The following RAB38 variants were observed in gnomAD, a reference collection of about 807,000 sequenced individuals.
RAB38 encodes the protein ras-related protein Rab-38.
A neutral mutation model predicts 18.4 loss-of-function variants in RAB38; 15 were observed. The ratio of observed to expected loss-of-function variants is 0.82; its 90% CI spans 0.55 to 1.26. The LOEUF is 1.26. Among genes scored for constraint, RAB38 ranks in the 50% most tolerant of loss-of-function variants. The probability of loss-of-function intolerance (pLI) is 0.00; values close to 1 mark genes in which losing one functional copy is unlikely to be tolerated. For synonymous variants in RAB38, 101 were observed against 104.4 expected (o/e 0.97, Z 0.20); for missense variants, 294 against 267.4 (o/e 1.10, Z -0.69).
At chr11:88,083,784 A>C in the RAB38 span, among the ~76,000 whole-genome samples, 1 of 151,986 alleles carries the variant, frequency 6.6e-6, no homozygotes, top group East Asian at 1.9e-4. Flanking sequence ...GCAAAGAGGC[A>C]CTATCTTGGA....
chr11:87,961,675 A>ACCT, the RAB38 span, among the ~76,000 whole-genome samples: 7 of 152,316 alleles, frequency 4.6e-5, no homozygotes, highest in African/African-American at 1.7e-4. Context: ...CCCAGGAACT[A>ACCT]AAGTCCTAGA....
At chr11:88,069,205 C>T in the RAB38 span, among the ~76,000 whole-genome samples, 23 of 152,312 alleles carry the variant, frequency 1.5e-4, no homozygotes, top group African/African-American at 5.3e-4. Context: ...CCAGGAGGTG[C>T]GGAGGGGGTG....
At chr11:88,099,924 A>G in the RAB38 span, 3 of 151,990 alleles carry the variant, frequency 2.0e-5, no homozygotes, top group Admixed American at 6.6e-5. Context: ...CAAATAGGTT[A>G]TCTCATTTAA....
At chr11:88,131,953 C>A (rs1246874784) in intron 2 of RAB38, among the ~76,000 whole-genome samples, 3 of 151,380 alleles carry the variant, frequency 2.0e-5, no homozygotes, top group South Asian at 2.1e-4. Flanking sequence ...CTGACAGCAA[C>A]CCCCAGGCAA....
the RAB38 span, among the ~76,000 whole-genome samples, chr11:88,084,350 G>A: frequency 6.6e-6 from 1 of 151,706 alleles, no homozygotes; most frequent in African/African-American, 2.4e-5. Flanking sequence ...GATGTCATCT[G>A]CTTTGAAAGG....
chr11:87,973,999 T>C, the RAB38 span, among the ~76,000 whole-genome samples: 1 of 142,462 alleles, frequency 7.0e-6, no homozygotes, highest in Admixed American at 6.9e-5. Flanking sequence ...TCTTTACCTG[T>C]ATTCTGAAAG....
the RAB38 span, among the ~76,000 whole-genome samples, chr11:88,090,950 A>ACAATTGCC: frequency 3.9e-5 from 6 of 152,090 alleles, no homozygotes; most frequent in South Asian, 1.2e-3. Context: ...CCTGCCTTAA[A>ACAATTGCC]CAATTGCCCA....
chr11:87,911,129 GTTGT>G, the RAB38 span, among the ~76,000 whole-genome samples: 2 of 152,012 alleles, frequency 1.3e-5, no homozygotes, highest in South Asian at 2.1e-4. Context: ...TCCACTGAAG[GTTGT>G]TTATCTTGAT....
chr11:88,169,122 A>G (rs1317677226), intron 1 of RAB38, among the ~76,000 whole-genome samples: 1 of 152,198 alleles, frequency 6.6e-6, no homozygotes, highest in Non-Finnish European at 1.5e-5. Flanking sequence ...GGGAAAAGAG[A>G]GGCATATGTA....
At chr11:87,821,144 C>T in the RAB38 span, among the ~76,000 whole-genome samples, 1 of 152,100 alleles carries the variant, frequency 6.6e-6, no homozygotes, top group African/African-American at 2.4e-5. Context: ...CAATAAATCA[C>T]AAGTAGGACT....
chr11:88,174,172 C>G, intron 1 of RAB38: 1 of 834,440 alleles, frequency 1.2e-6, no homozygotes, highest in Non-Finnish European at 1.4e-6. Context: ...AGCGATGCAA[C>G]TGAGCTGAAG....
At chr11:88,012,859 T>C in the RAB38 span, among the ~76,000 whole-genome samples, 6 of 152,188 alleles carry the variant, frequency 3.9e-5, no homozygotes, top group African/African-American at 1.4e-4. Flanking sequence ...AAAAAATTGA[T>C]TTTTAAAAAA....
intron 2 of RAB38, among the ~76,000 whole-genome samples, chr11:88,127,574 T>C (rs984646346): frequency 1.3e-5 from 2 of 152,234 alleles, no homozygotes; most frequent in Non-Finnish European, 1.5e-5. Context: ...CTGTGTGTTT[T>C]TTATACCCTC....
At chr11:87,883,609 A>G in the RAB38 span, among the ~76,000 whole-genome samples, 14 of 151,962 alleles carry the variant, frequency 9.2e-5, no homozygotes, top group African/African-American at 3.4e-4. Context: ...AAGTGATTCA[A>G]GTTAAGGACC....
chr11:87,895,722 A>G, the RAB38 span, among the ~76,000 whole-genome samples: 3 of 151,636 alleles, frequency 2.0e-5, no homozygotes, highest in African/African-American at 7.3e-5. Context: ...TTCCATGCCA[A>G]TAAGTAAGCA....
the RAB38 span, among the ~76,000 whole-genome samples, chr11:88,076,711 G>A: frequency 2.6e-5 from 4 of 151,666 alleles, no homozygotes; most frequent in Non-Finnish European, 5.9e-5. Context: ...CCAGCATTTT[G>A]GGAGGCTGAG....
At chr11:88,126,169 T>C (rs1942692349) in intron 2 of RAB38, among the ~76,000 whole-genome samples, 1 of 152,192 alleles carries the variant, frequency 6.6e-6, no homozygotes, top group African/African-American at 2.4e-5. Flanking sequence ...AGCTTTGTTC[T>C]TTTGGCTTAG....
At chr11:87,935,775 T>C in the RAB38 span, among the ~76,000 whole-genome samples, 1 of 152,108 alleles carries the variant, frequency 6.6e-6, no homozygotes, top group Non-Finnish European at 1.5e-5. Flanking sequence ...CCTGCATCCA[T>C]GAACCTGTTC....
At chr11:88,018,822 ATTGT>A in the RAB38 span, among the ~76,000 whole-genome samples, 3 of 152,136 alleles carry the variant, frequency 2.0e-5, no homozygotes, top group South Asian at 2.1e-4. Context: ...TTAAATTGTT[ATTGT>A]TTATTTAAAT....
Sources: gnomAD v4.1 joint callset for allele counts (sites outside exome capture counted in the v4.1 genomes callset) on GRCh38, gnomAD v4.1.1 for gene constraint, MANE v1.5 for transcripts, NCBI Gene and HGNC (gene_info 2026-07-23, HGNC 2026-07-21) for gene names.